LAMA3: variants seen among roughly 807,000 people sequenced by gnomAD.
LAMA3 encodes laminin subunit alpha 3.
Under a neutral mutation model 402.0 loss-of-function variants are expected in LAMA3, and 281 were observed. The observed-to-expected ratio is 0.70, with a 90% CI of 0.63 to 0.77. The LOEUF is 0.77. LAMA3 is among the 30% of genes least tolerant of loss of function. The probability of loss-of-function intolerance (pLI) is 0.00; values close to 1 mark genes in which losing one functional copy is unlikely to be tolerated. For synonymous variants in LAMA3, 1,431 were observed against 1,558.4 expected (o/e 0.92, Z 1.93); for missense variants, 3,840 against 4,215.5 (o/e 0.91, Z 2.47).
chr18:23,742,399 A>G (rs2061579255), intron 2 of LAMA3, among the ~76,000 whole-genome samples: 1 of 152,220 alleles, frequency 6.6e-6, no homozygotes, highest in African/African-American at 2.4e-5. Flanking sequence ...AAAATAATAC[A>G]ATGGGGATTA....
chr18:23,764,794 C>T (rs2062042168), intron 8 of LAMA3, among the ~76,000 whole-genome samples: 1 of 152,100 alleles, frequency 6.6e-6, no homozygotes, highest in Non-Finnish European at 1.5e-5. Flanking sequence ...ATTTTAGCAG[C>T]ATAATTAACT....
intron 8 of LAMA3, among the ~76,000 whole-genome samples, chr18:23,772,698 T>C (rs1355675452): frequency 6.6e-6 from 1 of 152,264 alleles, no homozygotes; most frequent in Non-Finnish European, 1.5e-5. Context: ...TCCCTCTGTG[T>C]TTCTGTGCAG....
In LAMA3 at chr18:23,864,840, G is replaced by T. The variant is rs1229001218; in HGVS notation, c.4640G>T (p.Gly1547Val). The part of the protein sequence containing the change: ...TYQAKSFGLP[G>V]DMVLLEKKPD... ...CAAGCCAAGTCCTTTGGCTTGCCTGGCGACATGGTTCTTCTGGAAAAGAAG... is the reference window on the plus strand; with the variant it reads ...CAAGCCAAGTCCTTTGGCTTGCCTGTCGACATGGTTCTTCTGGAAAAGAAG... Residue 1547 changes from glycine to valine, a missense_variant, in exon 36 of 75, where the codon GGC becomes GTC. Coordinates refer to ENST00000313654, the MANE Select transcript of LAMA3 (RefSeq NM_198129.4). 1 of 1,613,734 alleles carries T rather than the reference G, an allele frequency of 6.2e-7. No homozygotes were observed. Among genetic ancestry groups the T allele is most frequent in the Non-Finnish European group, 8.5e-7 (1 of 1,179,840 alleles).
At chr18:23,949,659 C>T (rs1411971242) in intron 70 of LAMA3, 106 bp from the exon 71 acceptor site, 7 of 1,072,702 alleles carry the variant, frequency 6.5e-6, no homozygotes, top group South Asian at 1.3e-5. Flanking sequence ...GAATCCCTAC[C>T]TACCTTCCCC....
At position 23,854,218 on chromosome 18, in the gene LAMA3, C is replaced by T. The variant is rs376401704; in HGVS notation, c.4137-3626C>T. ...TCACTCTCTTTCCACTGGATCATCT[C>T]GCATACATTCTAAAATAAACACACA... On this transcript the variant is annotated intron_variant, in intron 32 of 74. Transcript: ENST00000313654. 8.3e-4 allele frequency among the ~76,000 whole-genome samples: 127 copies of T among 152,344 alleles called. 4 individuals carry two copies. The South Asian group carries it at 0.025, about 30-fold the overall frequency.
chr18:23,933,101 A>G (rs1031879852), intron 66 of LAMA3, among the ~76,000 whole-genome samples: 1 of 152,236 alleles, frequency 6.6e-6, no homozygotes. Context: ...TTTCCTCCTC[A>G]TAGTCAGATA....
chr18:23,790,891 CT>C (rs34056350), intron 12 of LAMA3, among the ~76,000 whole-genome samples: 12,658 of 144,688 alleles, frequency 0.087, 911 homozygotes, highest in Admixed American at 0.19. Flanking sequence ...CCTATTTTAT[CT>C]TTTTTTTTTT....
At chr18:23,759,021 G>A (rs577702004) in intron 7 of LAMA3, among the ~76,000 whole-genome samples, 80 of 152,242 alleles carry the variant, frequency 5.3e-4, no homozygotes, top group African/African-American at 1.9e-3. Flanking sequence ...GCTTTTAAGA[G>A]TGTAACATAA....
At chr18:23,846,986 G>A (rs1015600672) in intron 31 of LAMA3, among the ~76,000 whole-genome samples, 1 of 152,224 alleles carries the variant, frequency 6.6e-6, no homozygotes, top group African/African-American at 2.4e-5. Flanking sequence ...GGTCCGAGGG[G>A]TAGGGTAAGC....
At chr18:23,944,648 T>G (rs1422057322) in intron 69 of LAMA3, among the ~76,000 whole-genome samples, 1 of 152,050 alleles carries the variant, frequency 6.6e-6, no homozygotes, top group East Asian at 1.9e-4. Context: ...CATGAAGTTA[T>G]GGGGAGGGGG....
At chr18:23,741,882 G>A (rs1461737904) in intron 2 of LAMA3, among the ~76,000 whole-genome samples, 2 of 152,182 alleles carry the variant, frequency 1.3e-5, no homozygotes, top group Non-Finnish European at 2.9e-5. Flanking sequence ...AGCACTTTGG[G>A]AGGCTGAGGC....
At chr18:23,853,402 T>G (rs1196608150) in intron 32 of LAMA3, among the ~76,000 whole-genome samples, 2 of 152,028 alleles carry the variant, frequency 1.3e-5, no homozygotes, top group Non-Finnish European at 2.9e-5. Flanking sequence ...GCCTGCCGAG[T>G]AGCTGGGATT....
At chr18:23,725,019 T>C (rs1455472593) in intron 2 of LAMA3, among the ~76,000 whole-genome samples, 1 of 152,220 alleles carries the variant, frequency 6.6e-6, no homozygotes, top group Admixed American at 6.5e-5. Context: ...CTCTCTCTTT[T>C]TCACTTTTTA....
chr18:23,901,989 C>T (rs764333273), intron 48 of LAMA3, among the ~76,000 whole-genome samples: 5 of 152,212 alleles, frequency 3.3e-5, no homozygotes, highest in Non-Finnish European at 5.9e-5. Flanking sequence ...CCACCATGCC[C>T]GGCCTTATAG....
intron 49 of LAMA3, 67 bp from the exon 50 acceptor site, chr18:23,903,866 T>G: frequency 7.7e-7 from 1 of 1,291,460 alleles, no homozygotes; most frequent in Admixed American, 1.7e-5. Context: ...TATGATAGAG[T>G]TTGAGAAATC....
chr18:23,839,697 A>G lies in LAMA3; in HGVS notation c.3192-88A>G. 3 of 1,425,394 alleles carry G rather than the reference A, an allele frequency of 2.1e-6. No homozygotes were observed. The highest frequency in any genetic ancestry group is 3.0e-6 in the Non-Finnish European group (3 of 1,011,478). The allele number at this position is 1,425,394 out of a possible 1,614,324, so 88.3% of individuals were successfully genotyped here. Reference sequence around the variant, plus strand: ...ATCCTTTTGATGCCCATGCAGTCCTATGCTCCAAGTCTGTCTCTTCACTGA... The same window carrying G: ...ATCCTTTTGATGCCCATGCAGTCCTGTGCTCCAAGTCTGTCTCTTCACTGA... On this transcript the variant is annotated intron_variant, in intron 26 of 74. Coordinates refer to ENST00000313654, the MANE Select transcript of LAMA3 (RefSeq NM_198129.4). This position sits in a 1 kb window ranked among gnomAD's most constrained non-coding sequence, Gnocchi z 4.5.
In LAMA3 at chr18:23,861,804, C is replaced by T; in HGVS notation, c.4581C>T (p.Asp1527=). 1 of 1,612,222 alleles carries T rather than the reference C, an allele frequency of 6.2e-7. No homozygotes were observed. Among genetic ancestry groups the T allele is most frequent in the Non-Finnish European group, 8.5e-7 (1 of 1,179,106 alleles). The change falls in exon 35 of 75, where the codon GAC becomes GAT. Residue 1527 remains aspartate, a synonymous_variant. Transcript: ENST00000313654. ...SWVAPTSYLG[D]KVSSYGGYLT... is the part of the protein sequence containing the mutation. ...TCGCACCCACCTCCTACCTGGGGGA[C>T]AAGGTAATGATGTCCTGCTGTTCTT...
chr18:23,782,046 C>T (rs1346880995), intron 11 of LAMA3, among the ~76,000 whole-genome samples: 1 of 152,046 alleles, frequency 6.6e-6, no homozygotes, highest in Non-Finnish European at 1.5e-5. Context: ...AACTTAGTTA[C>T]TAACGTTTTA....
intron 41 of LAMA3, 30 bp downstream of exon 41, chr18:23,884,883 T>C: frequency 6.4e-7 from 1 of 1,558,712 alleles, no homozygotes; most frequent in Non-Finnish European, 8.8e-7. Context: ...CGCCTCAGCC[T>C]GCAGAGGGGG....
Sources: allele counts gnomAD v4.1 joint callset (sites outside exome capture counted in the v4.1 genomes callset), GRCh38; gene constraint gnomAD v4.1.1; non-coding constraint Gnocchi (gnomAD v3.1); transcripts MANE v1.5; gene names NCBI Gene and HGNC (gene_info 2026-07-23, HGNC 2026-07-21).